TMEM242: variants seen among roughly 807,000 people sequenced by gnomAD.
TMEM242 encodes UPF0463 transmembrane protein C6orf35.
In TMEM242, 10 loss-of-function variants were observed where a neutral mutation model predicts 18.2. That is an observed-to-expected ratio of 0.55 (90% CI 0.34 to 0.93). The LOEUF (loss-of-function observed/expected upper bound fraction) is 0.93, where lower values mean the gene tolerates loss of function less well. Ranked by LOEUF, TMEM242 falls within the 40% of genes least tolerant of loss-of-function variation. The probability of loss-of-function intolerance (pLI) is 0.02; values close to 1 mark genes in which losing one functional copy is unlikely to be tolerated. For synonymous variants in TMEM242, 57 were observed against 69.9 expected, an observed-to-expected ratio of 0.81 and a Z score of 0.92; for missense variants, 186 against 175.5, an observed-to-expected ratio of 1.06 and a Z score of -0.34.
chr6:157,299,341 A>T (rs1777794342), intron 3 of TMEM242: 3 of 960,006 alleles, frequency 3.1e-6, no homozygotes, highest in Non-Finnish European at 5.1e-6. Flanking sequence ...ATTGTTCAGG[A>T]TCTTTATCAG....
At chr6:157,297,506 G>T (rs782151645) in intron 3 of TMEM242, among the ~76,000 whole-genome samples, 19 of 152,080 alleles carry the variant, frequency 1.2e-4, no homozygotes, top group Non-Finnish European at 2.5e-4. Flanking sequence ...TCCTAAAACC[G>T]CCTAGAACTG....
chr6:157,295,042 G>A (rs1481561543), intron 3 of TMEM242, among the ~76,000 whole-genome samples: 1 of 152,150 alleles, frequency 6.6e-6, no homozygotes, highest in Non-Finnish European at 1.5e-5. Context: ...CTGTATTATC[G>A]ACATATGTGT....
intron 3 of TMEM242, among the ~76,000 whole-genome samples, chr6:157,314,373 C>G (rs1270764470): frequency 2.7e-5 from 1 of 36,708 alleles, no homozygotes; most frequent in Non-Finnish European, 7.1e-5. Flanking sequence ...CATGCATTCC[C>G]ATGATCATGT....
chr6:157,319,380 T>C (rs1162530781), intron 2 of TMEM242, among the ~76,000 whole-genome samples: 1 of 152,232 alleles, frequency 6.6e-6, no homozygotes, highest in African/African-American at 2.4e-5. Context: ...TTTTCTCTCA[T>C]AGCACCTCAT....
intron 3 of TMEM242, among the ~76,000 whole-genome samples, chr6:157,302,579 A>G (rs1400743184): frequency 6.6e-6 from 1 of 152,238 alleles, no homozygotes; most frequent in Admixed American, 6.5e-5. Flanking sequence ...AACATACCAA[A>G]CAAAGCAGCT....
In TMEM242 at chr6:157,312,829, T is replaced by C. The variant is rs1583570133; in HGVS notation, c.327+5953A>G. ...GTGAACTCAACTAGCCTCATCATAGTGCCACAGTGTGCACTCACCTGGCCT... is the reference window on the plus strand; with the variant it reads ...GTGAACTCAACTAGCCTCATCATAGCGCCACAGTGTGCACTCACCTGGCCT... On this transcript the variant is annotated intron_variant, in intron 3 of 3. Coordinates refer to ENST00000400788, the MANE Select transcript of TMEM242 (RefSeq NM_018452.6). Among the ~76,000 whole-genome samples, 2 of 152,106 alleles carry C rather than the reference T, an allele frequency of 1.3e-5. 1 individual carries two copies. Among genetic ancestry groups the C allele is most frequent in the Non-Finnish European group, 2.9e-5 (2 of 68,002 alleles).
chr6:157,311,049 C>A (rs1265245390), intron 3 of TMEM242, among the ~76,000 whole-genome samples: 2 of 118,036 alleles, frequency 1.7e-5, no homozygotes, highest in African/African-American at 3.6e-5. Flanking sequence ...AGTGTGCGCT[C>A]ACCTAACCCC....
chr6:157,293,909 T>C (rs587708132), intron 3 of TMEM242, among the ~76,000 whole-genome samples: 3 of 152,216 alleles, frequency 2.0e-5, no homozygotes, highest in African/African-American at 7.2e-5. Flanking sequence ...TGGGTAGAGA[T>C]GGGGTCTTGC....
intron 2 of TMEM242, among the ~76,000 whole-genome samples, chr6:157,321,258 T>G (rs1470861583): frequency 6.6e-6 from 1 of 152,164 alleles, no homozygotes; most frequent in Admixed American, 6.5e-5. Flanking sequence ...TCCGCCCGCC[T>G]TGGCCTCCCT....
At chr6:157,304,462 CAAAA>C (rs782782714) in intron 3 of TMEM242, among the ~76,000 whole-genome samples, 14 of 67,250 alleles carry the variant, frequency 2.1e-4, no homozygotes, top group African/African-American at 2.8e-4. Context: ...GAGACTCTGT[CAAAA>C]AAAAAAAAAA....
intron 2 of TMEM242, among the ~76,000 whole-genome samples, chr6:157,319,713 T>A (rs9654565): frequency 0.68 from 103,722 of 152,144 alleles, 37,008 homozygotes; most frequent in East Asian, 0.96. Flanking sequence ...ATCATTTTAA[T>A]GTCCTCTGGG....
At chr6:157,299,977 GC>G in intron 3 of TMEM242, 1 of 1,476,496 alleles carries the variant, frequency 6.8e-7, no homozygotes, top group Non-Finnish European at 9.5e-7. Context: ...CGGAAGTGAA[GC>G]GCTCAACAAG....
At chr6:157,313,097 A>T (rs1778243253) in intron 3 of TMEM242, among the ~76,000 whole-genome samples, 8 of 139,870 alleles carry the variant, frequency 5.7e-5, no homozygotes, top group East Asian at 2.1e-4. Flanking sequence ...TGGCCTCATC[A>T]AAGTGTCCCA....
intron 3 of TMEM242, chr6:157,299,788 C>T: frequency 6.2e-7 from 1 of 1,604,382 alleles, no homozygotes; most frequent in Non-Finnish European, 8.5e-7. Flanking sequence ...CAATATTTGG[C>T]GTTTTCATGA....
chr6:157,306,880 G>A (rs1190308646), intron 3 of TMEM242, among the ~76,000 whole-genome samples: 3 of 152,124 alleles, frequency 2.0e-5, no homozygotes, highest in African/African-American at 7.2e-5. Flanking sequence ...TACATGATAA[G>A]TTATGTTCAG....
intron 3 of TMEM242, among the ~76,000 whole-genome samples, chr6:157,312,539 C>CACCT (rs2128416057): frequency 2.7e-5 from 4 of 146,062 alleles, no homozygotes; most frequent in Admixed American, 6.8e-5. Context: ...AGTGTGCACT[C>CACCT]AGCTAGCCTC....
At chr6:157,313,191 G>A (rs1583571160) in intron 3 of TMEM242, among the ~76,000 whole-genome samples, 1 of 148,758 alleles carries the variant, frequency 6.7e-6, no homozygotes, top group Non-Finnish European at 1.5e-5. Context: ...CGCTCACCCG[G>A]CCTCATCATA....
chr6:157,297,561 CAGTGAGT>C (rs1777767548), intron 3 of TMEM242, among the ~76,000 whole-genome samples: 2 of 152,310 alleles, frequency 1.3e-5, no homozygotes, highest in African/African-American at 4.8e-5. Context: ...CCCAGCACAT[CAGTGAGT>C]CCCATTATAT....
chr6:157,311,208 G>A (rs797038935), intron 3 of TMEM242, among the ~76,000 whole-genome samples: 288 of 4,622 alleles, frequency 0.062, 34 homozygotes, highest in African/African-American at 0.28. Context: ...CATACTGTCC[G>A]ACTGTGCGCT....
Sources: allele counts gnomAD v4.1 joint callset (sites outside exome capture counted in the v4.1 genomes callset), GRCh38; gene constraint gnomAD v4.1.1; transcripts MANE v1.5; gene names NCBI Gene and HGNC (gene_info 2026-07-23, HGNC 2026-07-21).